MTMR3: variants seen among roughly 807,000 people sequenced by gnomAD.
The protein encoded by MTMR3 is myotubularin related protein 3.
Under a neutral mutation model 132.4 loss-of-function variants are expected in MTMR3, and 32 were observed. The ratio of observed to expected loss-of-function variants is 0.24; its 90% CI spans 0.18 to 0.32. The LOEUF (loss-of-function observed/expected upper bound fraction) is 0.32. MTMR3 is among the 10% of genes least tolerant of loss of function. The pLI, the probability that MTMR3 is intolerant of heterozygous loss-of-function variation, is 1.00. For synonymous variants in MTMR3, 556 were observed against 550.3 expected, an observed-to-expected ratio of 1.01 and a Z score of -0.14; for missense variants, 1,216 against 1,489.6, an observed-to-expected ratio of 0.82 and a Z score of 3.02.
chr22:29,998,997 G>C, intron 8 of MTMR3, 140 bp downstream of exon 8: 4 of 534,360 alleles, frequency 7.5e-6, no homozygotes, highest in East Asian at 3.4e-5. Flanking sequence ...ATGATCTTCA[G>C]AGTATTTATT....
chr22:29,954,275 T>C (rs2066145549), intron 1 of MTMR3, among the ~76,000 whole-genome samples: 1 of 151,820 alleles, frequency 6.6e-6, no homozygotes, highest in Admixed American at 6.6e-5. Context: ...TATTTTATTT[T>C]TATTTTTTGT....
chr22:30,009,934 T>G (rs974815710), intron 12 of MTMR3: 2 of 152,262 alleles, frequency 1.3e-5, no homozygotes, highest in Non-Finnish European at 2.9e-5. Context: ...CAAGTTTTAC[T>G]GCGTTCTTTA....
chr22:30,012,296 TGACAA>T, intron 12 of MTMR3, 67 bp from the exon 13 acceptor site: 1 of 1,495,338 alleles, frequency 6.7e-7, no homozygotes, highest in Admixed American at 2.1e-5. Context: ...CTTTTTCATT[TGACAA>T]TCATTGAGCA....
chr22:29,952,891 A>G (rs1569021798), intron 1 of MTMR3, among the ~76,000 whole-genome samples: 1 of 152,200 alleles, frequency 6.6e-6, no homozygotes, highest in Non-Finnish European at 1.5e-5. Context: ...ACAGAATTCT[A>G]GTTTCTGATA....
rs111880720 is a variant in MTMR3, at chr22:29,969,754, A to G, written c.-84-1222A>G. Among the ~76,000 whole-genome samples, 808 of 151,904 alleles carry G rather than the reference A, an allele frequency of 5.3e-3. 6 individuals carry two copies. The highest frequency in any genetic ancestry group is 0.018 in the African/African-American group (754 of 41,422). On this transcript the variant is annotated intron_variant, in intron 2 of 19. Coordinates refer to ENST00000401950, the MANE Select transcript of MTMR3 (RefSeq NM_021090.4). ...ACTATGTTGGCCAGGCTGGTCTCGA[A>G]CTCCTGACCTCGTGATCTGCCTGCC...
intron 1 of MTMR3, among the ~76,000 whole-genome samples, chr22:29,941,893 G>T (rs1412242982): frequency 6.6e-6 from 1 of 152,194 alleles, no homozygotes; most frequent in Non-Finnish European, 1.5e-5. Context: ...ATGGTAGGAA[G>T]ATCCCTTGAG....
intron 3 of MTMR3, among the ~76,000 whole-genome samples, chr22:29,972,306 TTG>T (rs1265181348): frequency 6.6e-6 from 1 of 152,164 alleles, no homozygotes; most frequent in East Asian, 1.9e-4. Context: ...TTGTCCTTCA[TTG>T]TATACCACAC....
intron 1 of MTMR3, among the ~76,000 whole-genome samples, chr22:29,891,708 C>T (rs1279397252): frequency 6.6e-6 from 1 of 151,882 alleles, no homozygotes; most frequent in Admixed American, 6.6e-5. Context: ...GCTGGTATTA[C>T]AGGTGTGAGC....
chr22:30,028,707 G>A lies in MTMR3; in HGVS notation c.*2906G>A, dbSNP rs913367481. On this transcript the variant is annotated 3_prime_UTR_variant, in exon 20 of 20. Transcript: ENST00000401950. ...CACTCTTTGGGGCAGTCTCTCTAGG[G>A]TCACTTTCTGAATGTACCTTCTACC... 1 of 152,328 alleles carries A rather than the reference G, an allele frequency of 6.6e-6. No homozygotes were observed. The highest frequency in any genetic ancestry group is 2.4e-5 in the African/African-American group (1 of 41,442). The allele number at this position is 152,328 out of a possible 1,614,324, so 9.4% of individuals were successfully genotyped here.
chr22:29,979,390 G>C (rs2066694454), intron 5 of MTMR3: 1 of 226,466 alleles, frequency 4.4e-6, no homozygotes, highest in African/African-American at 2.3e-5. Context: ...TACTCAGGAG[G>C]CTGAGTCAGG....
intron 8 of MTMR3, chr22:30,000,996 T>TA: frequency 6.6e-6 from 1 of 152,208 alleles, no homozygotes; most frequent in Admixed American, 6.5e-5. Context: ...ATTCGGCTTT[T>TA]AAAAATTAAC....
chr22:30,007,755 A>C, intron 10 of MTMR3, 146 bp from the exon 11 acceptor site: 1 of 962,620 alleles, frequency 1.0e-6, no homozygotes. Context: ...AAAAAAGAGA[A>C]AAATCCTATG....
intron 1 of MTMR3, among the ~76,000 whole-genome samples, chr22:29,885,814 CACACCT>C (rs1209729602): frequency 6.6e-6 from 1 of 152,200 alleles, no homozygotes; most frequent in Non-Finnish European, 1.5e-5. Context: ...TTAACACGTT[CACACCT>C]TCTTCAGTAA....
chr22:30,021,926 C>T (rs370588680), intron 17 of MTMR3, 103 bp from the exon 18 acceptor site: 19 of 858,306 alleles, frequency 2.2e-5, no homozygotes, highest in African/African-American at 1.0e-4. Flanking sequence ...TCCTAGCACT[C>T]GGCCCCACCC....
intron 9 of MTMR3, chr22:30,003,827 C>T (rs2067223043): frequency 6.6e-6 from 1 of 152,150 alleles, no homozygotes; most frequent in African/African-American, 2.4e-5. Context: ...AGAAGTCCTT[C>T]CTTCTTATTC....
At chr22:29,949,138 C>CCCCCCGAGGCCCTGTCTTAAA (rs1569019716) in intron 1 of MTMR3, among the ~76,000 whole-genome samples, 1 of 35,768 alleles carries the variant, frequency 2.8e-5, no homozygotes, top group African/African-American at 1.4e-4. Context: ...CACACACACA[C>CCCCCCGAGGCCCTGTCTTAAA]ACACACCCCC....
intron 1 of MTMR3, among the ~76,000 whole-genome samples, chr22:29,915,417 A>T (rs930870074): frequency 5.9e-5 from 9 of 151,976 alleles, no homozygotes; most frequent in Non-Finnish European, 1.0e-4. Flanking sequence ...GGTCTCCTTC[A>T]TTCATTCATT....
chr22:29,973,945 T>C (rs528216603), intron 3 of MTMR3, among the ~76,000 whole-genome samples: 1 of 152,332 alleles, frequency 6.6e-6, no homozygotes, highest in South Asian at 2.1e-4. Context: ...ACTTCTGCTC[T>C]GAAGCATGTA....
At chr22:29,948,895 A>C (rs2066001648) in intron 1 of MTMR3, among the ~76,000 whole-genome samples, 1 of 151,680 alleles carries the variant, frequency 6.6e-6, no homozygotes, top group Non-Finnish European at 1.5e-5. Flanking sequence ...GCTTGAGCCT[A>C]GGAGTTCAAG....
Sources: gnomAD v4.1 joint callset for allele counts (sites outside exome capture counted in the v4.1 genomes callset) on GRCh38, gnomAD v4.1.1 for gene constraint, MANE v1.5 for transcripts, NCBI Gene and HGNC (gene_info 2026-07-23, HGNC 2026-07-21) for gene names.